Variants in LAMA2 observed in about 807,000 individuals in gnomAD.
LAMA2 encodes the protein laminin subunit alpha-2.
Under a neutral mutation model 364.8 loss-of-function variants are expected in LAMA2, and 269 were observed. The ratio of observed to expected loss-of-function variants is 0.74; its 90% confidence interval spans 0.67 to 0.82. LAMA2 has a LOEUF of 0.82. Ranked by LOEUF, LAMA2 falls within the 40% of genes least tolerant of loss-of-function variation. The pLI is 0.00. For missense variants in LAMA2, 3,807 were observed against 3,873.2 expected (o/e 0.98, Z 0.45); for synonymous variants, 1,379 against 1,370.6 (o/e 1.01, Z -0.14).
At chr6:129,208,796 G>T (rs968656922) in intron 12 of LAMA2, among the ~76,000 whole-genome samples, 4 of 151,906 alleles carry the variant, frequency 2.6e-5, no homozygotes, top group Admixed American at 1.3e-4. Flanking sequence ...ACAATGGAAA[G>T]AATAAAGAAA....
intron 41 of LAMA2, among the ~76,000 whole-genome samples, chr6:129,436,656 A>G (rs963759843): frequency 2.0e-5 from 3 of 152,124 alleles, no homozygotes; most frequent in Non-Finnish European, 4.4e-5. Context: ...TCTTCAAACA[A>G]TGGAATCAAT....
chr6:129,230,605 GA>G (rs1437118430), intron 12 of LAMA2, among the ~76,000 whole-genome samples: 2 of 152,024 alleles, frequency 1.3e-5, no homozygotes, highest in Non-Finnish European at 2.9e-5. Context: ...GAGAAAGTAT[GA>G]AAAAGTATCC....
intron 5 of LAMA2, among the ~76,000 whole-genome samples, chr6:129,144,786 T>C (rs1232875732): frequency 1.3e-5 from 2 of 151,966 alleles, no homozygotes; most frequent in East Asian, 3.9e-4. Flanking sequence ...AATAAAATAT[T>C]AGGGGAAAAA....
intron 1 of LAMA2, among the ~76,000 whole-genome samples, chr6:128,960,295 C>G (rs1049404745): frequency 6.7e-6 from 1 of 149,638 alleles, no homozygotes; most frequent in Non-Finnish European, 1.5e-5. Flanking sequence ...GATTAATCCC[C>G]TAGCTTTTTG....
intron 3 of LAMA2, among the ~76,000 whole-genome samples, chr6:129,076,269 A>G (rs1427898741): frequency 6.6e-6 from 1 of 151,444 alleles, no homozygotes; most frequent in East Asian, 1.9e-4. Flanking sequence ...AGGCACTTCA[A>G]ATTTAAAGGT....
At chr6:129,270,517 TA>T in intron 16 of LAMA2, 106 bp from the exon 17 acceptor site, 1 of 1,119,980 alleles carries the variant, frequency 8.9e-7, no homozygotes. Flanking sequence ...ATGGAAAAAT[TA>T]TTCTTGCTGG....
At chr6:129,361,843 G>A (rs903298283) in intron 32 of LAMA2, among the ~76,000 whole-genome samples, 7 of 141,894 alleles carry the variant, frequency 4.9e-5, no homozygotes, top group Admixed American at 1.5e-4. Context: ...GAAGTGCAGT[G>A]GCATGATCTA....
chr6:129,004,511 T>C (rs968668381), intron 1 of LAMA2, among the ~76,000 whole-genome samples: 4 of 151,866 alleles, frequency 2.6e-5, no homozygotes, highest in African/African-American at 9.7e-5. Context: ...TATGTACTTC[T>C]GGGAAATTTA....
At chr6:128,891,815 C>G (rs1429299385) in intron 1 of LAMA2, among the ~76,000 whole-genome samples, 1 of 151,936 alleles carries the variant, frequency 6.6e-6, no homozygotes, top group Non-Finnish European at 1.5e-5. Context: ...ATAGCTTAGC[C>G]TACAATAAAA....
At chr6:129,103,370 C>G (rs909715483) in intron 4 of LAMA2, among the ~76,000 whole-genome samples, 6 of 152,306 alleles carry the variant, frequency 3.9e-5, no homozygotes, top group African/African-American at 2.4e-5. Flanking sequence ...CCTCATCCAG[C>G]TATCCCTAGG....
chr6:129,079,205 TAA>T (rs1483083901), intron 3 of LAMA2, among the ~76,000 whole-genome samples: 2 of 152,316 alleles, frequency 1.3e-5, no homozygotes, highest in East Asian at 3.9e-4. Context: ...AAAAACATTT[TAA>T]GAGAGAGAGA....
rs1042875880 is a variant in LAMA2, at chr6:129,368,262, G to C, written c.4861-1630G>C. Among the ~76,000 whole-genome samples the C allele has an allele frequency of 9.2e-5, 14 of 152,338 alleles. No individual in the cohort carries two copies. The South Asian group carries it at 1.0e-3, about 11-fold the overall frequency. On this transcript the variant is annotated intron_variant, in intron 33 of 64. Transcript: ENST00000421865. ...GGACACAAACATTCTGCCTTCTGCC[G>C]TGTGAGGACACAGGGAGAAGGCAGC...
chr6:129,246,938 T>G (rs957874023), intron 12 of LAMA2, among the ~76,000 whole-genome samples: 3 of 152,144 alleles, frequency 2.0e-5, no homozygotes, highest in African/African-American at 7.2e-5. Context: ...AGAAGTCTTG[T>G]AACTGACTCA....
intron 9 of LAMA2, 83 bp downstream of exon 9, chr6:129,165,758 C>A: frequency 1.2e-6 from 1 of 855,280 alleles, no homozygotes; most frequent in Non-Finnish European, 2.0e-6. Context: ...GAATATTTTG[C>A]AGTAAATGTT....
chr6:129,436,609 A>C (rs568447764), intron 41 of LAMA2, among the ~76,000 whole-genome samples: 3 of 152,136 alleles, frequency 2.0e-5, no homozygotes, highest in Non-Finnish European at 4.4e-5. Context: ...AACCAAATAC[A>C]TGTCTATTTA....
At position 129,380,571 on chromosome 6, in the gene LAMA2, A is replaced by G. The variant is rs142326342; in HGVS notation, c.4960-2551A>G. On this transcript the variant is annotated intron_variant, in intron 34 of 64. Coordinates refer to ENST00000421865, the MANE Select transcript of LAMA2 (RefSeq NM_000426.4). ...CAGGAAGTGTGGAAACCTAGGTAGC[A>G]CCCTGGGAATGGCCACGCTAAGGAG... Among the ~76,000 whole-genome samples the G allele has an allele frequency of 1.8e-3, 279 of 152,242 alleles. 5 individuals are homozygous for G. Among genetic ancestry groups the G allele is most frequent in the Admixed American group, 0.017 (260 of 15,286 alleles).
chr6:129,497,688 C>CCAT (rs1314622879), intron 58 of LAMA2, among the ~76,000 whole-genome samples: 33 of 152,066 alleles, frequency 2.2e-4, no homozygotes, highest in Admixed American at 7.2e-4. Flanking sequence ...TTCTTTACAC[C>CCAT]CATCACACCC....
intron 2 of LAMA2, among the ~76,000 whole-genome samples, chr6:129,058,799 A>C (rs542076661): frequency 6.6e-6 from 1 of 152,376 alleles, no homozygotes; most frequent in Admixed American, 6.5e-5. Flanking sequence ...CATGCATAGC[A>C]TGGAAGAATC....
At chr6:129,249,051 G>A (rs1785977251) in intron 12 of LAMA2, among the ~76,000 whole-genome samples, 1 of 152,098 alleles carries the variant, frequency 6.6e-6, no homozygotes, top group African/African-American at 2.4e-5. Flanking sequence ...TTAAAATCCT[G>A]TTTAATCAGC....
Sources: gnomAD v4.1 joint callset for allele counts (sites outside exome capture counted in the v4.1 genomes callset) on GRCh38, gnomAD v4.1.1 for gene constraint, MANE v1.5 for transcripts, NCBI Gene and HGNC (gene_info 2026-07-23, HGNC 2026-07-21) for gene names.